Variants in MARCHF10 observed in about 807,000 individuals in gnomAD.
MARCHF10 encodes membrane associated ring-CH-type finger 10.
Under a neutral mutation model 76.2 loss-of-function variants are expected in MARCHF10, and 64 were observed. That is an observed-to-expected ratio of 0.84 (90% CI 0.69 to 1.03). The LOEUF is 1.03. Ranked by LOEUF, MARCHF10 falls within the 50% of genes least tolerant of loss-of-function variation. The probability of loss-of-function intolerance (pLI) is 0.00; values close to 1 mark genes in which losing one functional copy is unlikely to be tolerated. For synonymous variants in MARCHF10, 340 were observed against 357.5 expected (o/e 0.95, Z 0.55); for missense variants, 875 against 958.0 (o/e 0.91, Z 1.14).
intron 2 of MARCHF10, among the ~76,000 whole-genome samples, chr17:62,797,628 A>G (rs1382494309): frequency 2.0e-5 from 3 of 152,200 alleles, no homozygotes. Flanking sequence ...GGGGAAGAAG[A>G]CGTTGGCAAA....
chr17:62,791,169 G>C (rs2092835543), intron 2 of MARCHF10, among the ~76,000 whole-genome samples: 1 of 152,196 alleles, frequency 6.6e-6, no homozygotes, highest in Non-Finnish European at 1.5e-5. Flanking sequence ...CCTAAAGGGA[G>C]TCGGCTGGAA....
Position 62,801,664 on chromosome 17 carries a change from C to G in MARCHF10, c.72G>C (p.Lys24Asn). The change falls in exon 2 of 11, where the codon AAG (lysine) becomes AAC (asparagine). Residue 24 changes from lysine (K) to asparagine (N), a missense_variant. Coordinates refer to ENST00000311269, the MANE Select transcript of MARCHF10 (RefSeq NM_152598.4). Reference protein sequence around the residue: ...DVQYLRDMQHKVDSEYQACLR... With the variant: ...DVQYLRDMQHNVDSEYQACLR... ...CAATTACCTGATACTCAGAGTCCACCTTATGCTGCATGTCCCGCAGATACT... is the reference window on the plus strand; with the variant it reads ...CAATTACCTGATACTCAGAGTCCACGTTATGCTGCATGTCCCGCAGATACT... The G allele has an allele frequency of 6.2e-7, 1 of 1,614,134 alleles. No homozygotes were observed. Among genetic ancestry groups the G allele is most frequent in the African/African-American group, 1.3e-5 (1 of 75,032 alleles).
At chr17:62,737,599 G>A (rs1449715123) in intron 5 of MARCHF10, 7 of 458,044 alleles carry the variant, frequency 1.5e-5, no homozygotes, top group Non-Finnish European at 2.3e-5. Context: ...GCTCCCGGAA[G>A]ACTGGCCCAG....
At chr17:62,805,773 G>A (rs1299815019) in intron 1 of MARCHF10, among the ~76,000 whole-genome samples, 2 of 152,034 alleles carry the variant, frequency 1.3e-5, no homozygotes, top group Non-Finnish European at 2.9e-5. Flanking sequence ...TTTGCTGGGC[G>A]TGGTGGTGCA....
chr17:62,742,906 TACAGGGGTGAGCC>T (rs141573758), intron 5 of MARCHF10, among the ~76,000 whole-genome samples: 76 of 152,260 alleles, frequency 5.0e-4, no homozygotes, highest in African/African-American at 1.7e-3. Flanking sequence ...GTGCTGGGAT[TACAGGGGTGAGCC>T]ACCCTGTCTG....
chr17:62,763,533 G>C (rs977603255), intron 3 of MARCHF10, among the ~76,000 whole-genome samples: 11 of 152,080 alleles, frequency 7.2e-5, no homozygotes, highest in Admixed American at 1.3e-4. Flanking sequence ...TTTTAAAGTT[G>C]ATTTTTAAAT....
chr17:62,774,274 G>A (rs187376234), intron 3 of MARCHF10, among the ~76,000 whole-genome samples: 3 of 152,254 alleles, frequency 2.0e-5, no homozygotes, highest in African/African-American at 7.2e-5. Context: ...GAGGAACTCG[G>A]GATCTGAGAT....
intron 3 of MARCHF10, among the ~76,000 whole-genome samples, chr17:62,780,357 T>G (rs1361036920): frequency 6.6e-6 from 1 of 152,254 alleles, no homozygotes; most frequent in Admixed American, 6.5e-5. Context: ...AAAGACTTTA[T>G]TTTTTATGTT....
At chr17:62,720,724 C>G (rs1188211552) in intron 8 of MARCHF10, among the ~76,000 whole-genome samples, 1 of 152,164 alleles carries the variant, frequency 6.6e-6, no homozygotes, top group South Asian at 2.1e-4. Flanking sequence ...ATGACAGGGT[C>G]CCCCTGGAAT....
intron 6 of MARCHF10, among the ~76,000 whole-genome samples, chr17:62,734,595 T>C (rs765935982): frequency 9.9e-5 from 15 of 152,246 alleles, no homozygotes; most frequent in African/African-American, 3.4e-4. Context: ...AAAAATTGCA[T>C]TTATATGCAA....
At chr17:62,775,908 C>T (rs990610199) in intron 3 of MARCHF10, among the ~76,000 whole-genome samples, 1 of 152,092 alleles carries the variant, frequency 6.6e-6, no homozygotes, top group African/African-American at 2.4e-5. Context: ...CCTTGAACCC[C>T]TGGGCTCAAG....
intron 1 of MARCHF10, chr17:62,804,801 TACACAC>T (rs140960337): frequency 6.6e-6 from 1 of 151,262 alleles, no homozygotes; most frequent in Non-Finnish European, 1.5e-5. Flanking sequence ...CATTTATTTC[TACACAC>T]ACACACACAC....
At chr17:62,758,482 C>T (rs2092109515) in intron 4 of MARCHF10, among the ~76,000 whole-genome samples, 1 of 152,200 alleles carries the variant, frequency 6.6e-6, no homozygotes, top group Non-Finnish European at 1.5e-5. Flanking sequence ...AATGACCTTA[C>T]CTGCTCTATT....
At chr17:62,726,008 C>CTTAATAGATGTTGGTTTAGGTGGA (rs2090739763) in intron 6 of MARCHF10, 2 of 152,194 alleles carry the variant, frequency 1.3e-5, no homozygotes, top group African/African-American at 4.8e-5. Context: ...ACAGAGTTCA[C>CTTAATAGATGTTGGTTTAGGTGGA]TTAATAGATG....
At chr17:62,762,857 A>G (rs1452949448) in intron 3 of MARCHF10, among the ~76,000 whole-genome samples, 2 of 152,108 alleles carry the variant, frequency 1.3e-5, no homozygotes, top group Non-Finnish European at 2.9e-5. Flanking sequence ...ATCCTCTTTC[A>G]TGAAACCCCA....
intron 1 of MARCHF10, among the ~76,000 whole-genome samples, chr17:62,803,319 A>G (rs2093108084): frequency 6.6e-6 from 1 of 152,120 alleles, no homozygotes; most frequent in African/African-American, 2.4e-5. Context: ...TATTTTAAAA[A>G]GATCCCTCCA....
At position 62,737,218 on chromosome 17, in the gene MARCHF10, CT is replaced by C; in HGVS notation, c.649del (p.Arg217GlufsTer32). The C allele has an allele frequency of 6.2e-7, 1 of 1,613,950 alleles. No individual in the cohort carries two copies. The highest frequency in any genetic ancestry group is 8.5e-7 in the Non-Finnish European group (1 of 1,179,992). The part of the protein sequence containing the change: ...SQPMTENAPD[R>X]AKKGDPSAPS... The stretch of plus-strand genomic sequence containing the variant: ...AGCACTCGGGTCTCCTTTTTTGGCT[CT>C]ATCAGGGGCGTTCTCAGTCATTGGC... On this transcript the variant is annotated frameshift_variant, in exon 6 of 11. Coordinates refer to ENST00000311269, the MANE Select transcript of MARCHF10 (RefSeq NM_152598.4). LOFTEE classifies it high-confidence loss of function.
intron 2 of MARCHF10, among the ~76,000 whole-genome samples, chr17:62,792,989 TACC>T (rs966653937): frequency 1.2e-4 from 8 of 67,796 alleles, no homozygotes; most frequent in African/African-American, 3.1e-4. Flanking sequence ...CCTCCATCAC[TACC>T]ACCACCTCCA....
intron 1 of MARCHF10, among the ~76,000 whole-genome samples, chr17:62,803,346 G>T (rs2093108535): frequency 6.6e-6 from 1 of 152,082 alleles, no homozygotes; most frequent in African/African-American, 2.4e-5. Context: ...GTATGAGAAT[G>T]GATGGGGTGG....
Sources: gnomAD v4.1 joint callset for allele counts (sites outside exome capture counted in the v4.1 genomes callset) on GRCh38, gnomAD v4.1.1 for gene constraint, MANE v1.5 for transcripts, NCBI Gene and HGNC (gene_info 2026-07-23, HGNC 2026-07-21) for gene names.